TBC1D22A: variants seen among roughly 807,000 people sequenced by gnomAD.
TBC1D22A encodes the protein putative GTPase activator.
In TBC1D22A, 38 loss-of-function variants were observed where a neutral mutation model predicts 60.2. The ratio of observed to expected loss-of-function variants is 0.63; its 90% CI spans 0.49 to 0.83. The LOEUF is 0.83. Ranked by LOEUF, TBC1D22A falls within the 40% of genes least tolerant of loss-of-function variation. TBC1D22A has a pLI of 0.00. For synonymous variants in TBC1D22A, 302 were observed against 281.7 expected (o/e 1.07, Z -0.72); for missense variants, 628 against 701.0 (o/e 0.90, Z 1.18).
chr22:46,809,387 C>G (rs1008106095), intron 4 of TBC1D22A, among the ~76,000 whole-genome samples: 4 of 152,196 alleles, frequency 2.6e-5, no homozygotes, highest in African/African-American at 9.7e-5. Flanking sequence ...CTTCAGTTAC[C>G]TCGTTATAGT....
At chr22:46,795,395 G>A (rs1429381699) in intron 3 of TBC1D22A, among the ~76,000 whole-genome samples, 1 of 152,218 alleles carries the variant, frequency 6.6e-6, no homozygotes, top group African/African-American at 2.4e-5. Flanking sequence ...ACGGTGTGTG[G>A]CTGGGGGATC....
At chr22:46,993,909 AC>A (rs1000257995) in intron 9 of TBC1D22A, among the ~76,000 whole-genome samples, 1 of 151,418 alleles carries the variant, frequency 6.6e-6, no homozygotes, top group Admixed American at 6.6e-5. Context: ...GCCCAGACCG[AC>A]CCCCCTGTGT....
chr22:46,860,270 C>T (rs1213485116), intron 4 of TBC1D22A, among the ~76,000 whole-genome samples: 1 of 54,204 alleles, frequency 1.8e-5, no homozygotes, highest in Non-Finnish European at 3.3e-5. Flanking sequence ...CCGCGCAGTG[C>T]TGTGCCCCTT....
chr22:46,842,339 A>T (rs1230107195), intron 4 of TBC1D22A, among the ~76,000 whole-genome samples: 1 of 152,182 alleles, frequency 6.6e-6, no homozygotes, highest in Non-Finnish European at 1.5e-5. Context: ...CTTGGAATTT[A>T]TTTTTAACAT....
intron 4 of TBC1D22A, among the ~76,000 whole-genome samples, chr22:46,830,424 C>T (rs578010682): frequency 3.6e-4 from 55 of 152,330 alleles, no homozygotes; most frequent in Non-Finnish European, 6.0e-4. Context: ...AATCGCAGGG[C>T]GTCATGTTGC....
At chr22:46,793,922 A>G (rs1202715416) in intron 3 of TBC1D22A, 81 bp downstream of exon 3, 3 of 1,304,678 alleles carry the variant, frequency 2.3e-6, no homozygotes, top group Admixed American at 5.6e-5. Flanking sequence ...CTGTGGGAGA[A>G]TCAGTGGGTT....
intron 4 of TBC1D22A, among the ~76,000 whole-genome samples, chr22:46,835,156 T>C (rs2147178229): frequency 1.3e-5 from 2 of 152,244 alleles, no homozygotes; most frequent in East Asian, 3.9e-4. Context: ...AGCCAGTCAG[T>C]AAAGACTGGG....
intron 12 of TBC1D22A, among the ~76,000 whole-genome samples, chr22:47,148,920 T>C (rs1242954551): frequency 6.7e-6 from 1 of 148,992 alleles, no homozygotes; most frequent in African/African-American, 2.6e-5. Flanking sequence ...CATGTGTCCC[T>C]TCATGCAGGT....
At position 47,072,733 on chromosome 22, in the gene TBC1D22A, C is replaced by T. The variant is rs148641532; in HGVS notation, c.1329+35535C>T. On this transcript the variant is annotated intron_variant, in intron 11 of 12. Coordinates refer to ENST00000337137, the MANE Select transcript of TBC1D22A (RefSeq NM_014346.5). ...ACCCCGATCCGATTTACTTGGTGTC[C>T]TGTCGGGCACACTTGTGAATACCCG... Among the ~76,000 whole-genome samples the T allele has an allele frequency of 4.1e-3, 623 of 152,366 alleles. 2 individuals are homozygous for T. The highest frequency in any genetic ancestry group is 0.014 in the African/African-American group (578 of 41,586).
At chr22:46,853,522 G>A (rs13057885) in intron 4 of TBC1D22A, among the ~76,000 whole-genome samples, 8,829 of 152,254 alleles carry the variant, frequency 0.058, 313 homozygotes, top group African/African-American at 0.093. Flanking sequence ...GAGGATCAGC[G>A]TGAGGGAGTG....
intron 11 of TBC1D22A, among the ~76,000 whole-genome samples, chr22:47,074,010 A>C (rs184725998): frequency 2.2e-4 from 34 of 152,240 alleles, no homozygotes; most frequent in African/African-American, 6.7e-4. Context: ...GGTCTCAGCT[A>C]CTCGGGAGGA....
At chr22:46,800,605 A>G (rs1043238704) in intron 4 of TBC1D22A, among the ~76,000 whole-genome samples, 3 of 152,204 alleles carry the variant, frequency 2.0e-5, no homozygotes, top group African/African-American at 7.2e-5. Context: ...TCCTGCTCTC[A>G]GAGTTCTTGT....
At chr22:47,041,944 A>G (rs189173128) in intron 11 of TBC1D22A, among the ~76,000 whole-genome samples, 1 of 152,208 alleles carries the variant, frequency 6.6e-6, no homozygotes, top group South Asian at 2.1e-4. Context: ...ACCTATAGCA[A>G]GTGCCTGGCC....
intron 12 of TBC1D22A, among the ~76,000 whole-genome samples, chr22:47,159,306 C>T (rs2067859710): frequency 8.5e-6 from 1 of 117,336 alleles, no homozygotes; most frequent in South Asian, 2.4e-4. Flanking sequence ...CCACACACAC[C>T]ATGTATACAT....
rs2061691905 is a variant in TBC1D22A, at chr22:47,009,543, A to T, written c.1201+11834A>T. Among the ~76,000 whole-genome samples the T allele has an allele frequency of 6.6e-6, 1 of 151,270 alleles. No homozygotes were observed. The highest frequency in any genetic ancestry group is 2.4e-5 in the African/African-American group (1 of 41,064). The stretch of plus-strand genomic sequence containing the variant: ...CACCATCACCATCATCATCATTGCC[A>T]TCATCACCATCATTACGTCATCACC... On this transcript the variant is annotated intron_variant, in intron 10 of 12. Transcript: ENST00000337137. The surrounding 1 kb of genome is among the most constrained non-coding windows in gnomAD (Gnocchi z 5.8).
intron 10 of TBC1D22A, among the ~76,000 whole-genome samples, chr22:47,027,878 C>T (rs2062311819): frequency 6.6e-6 from 1 of 152,234 alleles, no homozygotes; most frequent in Non-Finnish European, 1.5e-5. Context: ...TCTGGACTCT[C>T]CCTGTCTTGT....
At chr22:47,125,990 GT>G (rs11448395) in intron 12 of TBC1D22A, among the ~76,000 whole-genome samples, 10 of 151,022 alleles carry the variant, frequency 6.6e-5, no homozygotes, top group African/African-American at 1.9e-4. Flanking sequence ...TTTGTTTTTT[GT>G]TTTTTTTTGA....
At chr22:46,917,273 G>A (rs917978448) in intron 8 of TBC1D22A, among the ~76,000 whole-genome samples, 2 of 152,228 alleles carry the variant, frequency 1.3e-5, no homozygotes, top group African/African-American at 4.8e-5. Flanking sequence ...GGGCATCTTA[G>A]AGTTTGTAAC....
chr22:47,148,486 G>A (rs1002200412), intron 12 of TBC1D22A, among the ~76,000 whole-genome samples: 4 of 151,970 alleles, frequency 2.6e-5, no homozygotes, highest in African/African-American at 9.7e-5. Context: ...ACTCGGAATC[G>A]CTTGAGACCC....
Sources: gnomAD v4.1 joint callset for allele counts (sites outside exome capture counted in the v4.1 genomes callset) on GRCh38, gnomAD v4.1.1 for gene constraint, Gnocchi (gnomAD v3.1) non-coding constraint, MANE v1.5 for transcripts, NCBI Gene and HGNC (gene_info 2026-07-23, HGNC 2026-07-21) for gene names.